PUS10: variants seen among roughly 807,000 people sequenced by gnomAD.
PUS10 encodes pseudouridine synthase 10.
Under a neutral mutation model 75.0 loss-of-function variants are expected in PUS10, and 59 were observed. That is an observed-to-expected ratio of 0.79 (90% CI 0.64 to 0.98). The LOEUF is 0.98. Among genes scored for constraint, PUS10 ranks in the 50% least tolerant of loss-of-function variants. The pLI, the probability that PUS10 is intolerant of heterozygous loss-of-function variation, is 0.00. For synonymous variants in PUS10, 219 were observed against 211.6 expected, an observed-to-expected ratio of 1.03 and a Z score of -0.30; for missense variants, 650 against 614.4, an observed-to-expected ratio of 1.06 and a Z score of -0.61.
chr2:60,944,923 G>A, intron 17 of PUS10, 86 bp downstream of exon 17: 1 of 876,786 alleles, frequency 1.1e-6, no homozygotes, highest in South Asian at 1.4e-5. Flanking sequence ...ATGGAGGTGG[G>A]TGATACTAAA....
chr2:60,984,095 C>T (rs185846385), intron 4 of PUS10, among the ~76,000 whole-genome samples: 151 of 151,958 alleles, frequency 9.9e-4, no homozygotes, highest in African/African-American at 3.5e-3. Flanking sequence ...AAGATCAAAA[C>T]AAATATTGAA....
chr2:60,955,310 T>A (rs911662812), intron 11 of PUS10, among the ~76,000 whole-genome samples: 1 of 151,946 alleles, frequency 6.6e-6, no homozygotes, highest in Admixed American at 6.6e-5. Context: ...ATGTTATATA[T>A]ATAATTTAAA....
chr2:60,954,921 CTT>C (rs1675556820), intron 12 of PUS10, 95 bp downstream of exon 12: 4 of 780,814 alleles, frequency 5.1e-6, no homozygotes, highest in Non-Finnish European at 8.0e-6. Flanking sequence ...GCCTTGCTCA[CTT>C]TGTTTTTCAC....
chr2:60,973,036 A>G lies in PUS10; in HGVS notation c.469-1479T>C, dbSNP rs567125424. 2.6e-5 allele frequency among the ~76,000 whole-genome samples: 4 copies of G among 151,908 alleles called. No individual in the cohort carries two copies. The East Asian group carries it at 7.8e-4, about 29-fold the overall frequency. On this transcript the variant is annotated intron_variant, in intron 4 of 17. Coordinates refer to ENST00000316752, the MANE Select transcript of PUS10 (RefSeq NM_144709.4). ...TGGGAGCAGCAGTGGCGGCGGTGGG[A>G]CCCCTGTGCTCCACATCCCCGAGGC...
At chr2:61,008,261 T>C (rs879750894) in intron 3 of PUS10, among the ~76,000 whole-genome samples, 5 of 150,980 alleles carry the variant, frequency 3.3e-5, no homozygotes, top group Admixed American at 3.3e-4. Flanking sequence ...CAGTGGCTCA[T>C]GTCTGTAATC....
intron 1 of PUS10, among the ~76,000 whole-genome samples, chr2:61,013,265 GA>G (rs61561925): frequency 0.037 from 4,118 of 112,188 alleles, 78 homozygotes; most frequent in Non-Finnish European, 0.055. Flanking sequence ...AAAAGAAACA[GA>G]AAAAAAAAAA....
At chr2:61,007,441 A>G (rs1679290684) in intron 3 of PUS10, among the ~76,000 whole-genome samples, 1 of 152,106 alleles carries the variant, frequency 6.6e-6, no homozygotes, top group Non-Finnish European at 1.5e-5. Context: ...AGCCTGGGTG[A>G]CAGAGTGGGA....
At chr2:61,002,553 T>A (rs944431545) in intron 4 of PUS10, among the ~76,000 whole-genome samples, 2 of 152,170 alleles carry the variant, frequency 1.3e-5, no homozygotes, top group Non-Finnish European at 2.9e-5. Flanking sequence ...GCTACAGTGA[T>A]CCTCCCACCT....
chr2:60,943,811 T>C (rs1405295592), intron 17 of PUS10, among the ~76,000 whole-genome samples: 2 of 151,708 alleles, frequency 1.3e-5, no homozygotes. Flanking sequence ...AGGCAAGTTG[T>C]AGTGCTTAAA....
chr2:60,972,738 G>A (rs748921188), intron 4 of PUS10, among the ~76,000 whole-genome samples: 17 of 152,210 alleles, frequency 1.1e-4, no homozygotes, highest in Admixed American at 7.9e-4. Flanking sequence ...TTAATTTATG[G>A]ATATGCTGTG....
intron 16 of PUS10, among the ~76,000 whole-genome samples, chr2:60,947,573 T>TA (rs1001050830): frequency 4.6e-5 from 7 of 152,170 alleles, no homozygotes; most frequent in African/African-American, 1.4e-4. Flanking sequence ...CTCACGCCTG[T>TA]AATCACAGCA....
intron 17 of PUS10, among the ~76,000 whole-genome samples, chr2:60,943,778 G>GTA (rs1558851508): frequency 6.6e-6 from 1 of 151,492 alleles, no homozygotes; most frequent in African/African-American, 2.4e-5. Flanking sequence ...GTGTGTGTGT[G>GTA]TGTGTGTGTG....
chr2:61,017,733 A>T, intron 1 of PUS10: 1 of 1,540,786 alleles, frequency 6.5e-7, no homozygotes, highest in Non-Finnish European at 8.8e-7. Flanking sequence ...CAGGGGTAGG[A>T]GCGGGAGCCG....
At chr2:60,995,738 A>G (rs1384239008) in intron 4 of PUS10, among the ~76,000 whole-genome samples, 1 of 152,082 alleles carries the variant, frequency 6.6e-6, no homozygotes, top group Non-Finnish European at 1.5e-5. Flanking sequence ...ATTTTTTTTT[A>G]TTCTGTTACA....
chr2:60,958,350 G>A (rs529193004), intron 11 of PUS10, among the ~76,000 whole-genome samples: 81 of 152,224 alleles, frequency 5.3e-4, no homozygotes, highest in African/African-American at 1.9e-3. Flanking sequence ...TAGGGTGCTG[G>A]TATACTCTTT....
chr2:60,965,244 G>A (rs970454268), intron 7 of PUS10, 141 bp from the exon 8 acceptor site: 9 of 986,824 alleles, frequency 9.1e-6, no homozygotes, highest in Admixed American at 4.2e-5. Context: ...GAGCTATATC[G>A]GTTTGCCCAG....
Position 60,940,627 on chromosome 2 carries a change from T to C in PUS10, c.*1768A>G, listed in dbSNP as rs1674582027. 1 of 152,296 alleles carries C rather than the reference T, an allele frequency of 6.6e-6. No homozygotes were observed. Among genetic ancestry groups the C allele is most frequent in the Admixed American group, 6.5e-5 (1 of 15,284 alleles). The allele number at this position is 152,296 out of a possible 1,614,324, so 9.4% of individuals were successfully genotyped here. On this transcript the variant is annotated 3_prime_UTR_variant, in exon 18 of 18. Transcript: ENST00000316752. ...GGAATAGAAATTTAAGAAATAGAAA[T>C]CTTCTCATTTCAGTTTGCTAAGCAC...
At chr2:61,010,852 C>T (rs1031718686) in intron 2 of PUS10, 1 of 1,550,384 alleles carries the variant, frequency 6.5e-7, no homozygotes, top group Admixed American at 2.0e-5. Context: ...TAACTTTGGG[C>T]AGGTTGCTTA....
Position 61,008,860 on chromosome 2 carries a change from A to C in PUS10, c.282T>G (p.Ser94Arg). 6.2e-7 allele frequency: 1 copy of C among 1,613,610 alleles called. No homozygotes were observed. Among genetic ancestry groups the C allele is most frequent in the Non-Finnish European group, 8.5e-7 (1 of 1,179,646 alleles). ...SQNGEGRISV[S>R]HVGSTASKNS... ...TCTTGGAAGCAGTGCTTCCAACATG[A>C]CTAACAGAGATCCTTCCCTCTCCAT... is the stretch of plus-strand genomic sequence containing the variant. The change falls in exon 3 of 18, where the codon AGT (serine) becomes AGG (arginine). Residue 94 changes from serine to arginine, a missense_variant. By Grantham distance (110) the Ser-to-Arg change is moderately radical. Transcript: ENST00000316752.
Sources: gnomAD v4.1 joint callset for allele counts (sites outside exome capture counted in the v4.1 genomes callset) on GRCh38, gnomAD v4.1.1 for gene constraint, MANE v1.5 for transcripts, NCBI Gene and HGNC (gene_info 2026-07-23, HGNC 2026-07-21) for gene names.